RIC3: variants seen among roughly 807,000 people sequenced by gnomAD.
RIC3 encodes RIC3 acetylcholine receptor chaperone.
A neutral mutation model predicts 27.3 loss-of-function variants in RIC3; 28 were observed. The observed-to-expected ratio is 1.02, with a 90% confidence interval of 0.76 to 1.41. The LOEUF is 1.41. RIC3 is among the 40% of genes most tolerant of loss of function. The pLI is 0.00. For missense variants in RIC3, 501 were observed against 444.7 expected (o/e 1.13, Z -1.14); for synonymous variants, 184 against 160.4 (o/e 1.15, Z -1.11).
At chr11:8,133,773 T>C (rs1054868389) in intron 4 of RIC3, among the ~76,000 whole-genome samples, 10 of 152,136 alleles carry the variant, frequency 6.6e-5, no homozygotes, top group Non-Finnish European at 1.5e-4. Flanking sequence ...AGACAGTAGT[T>C]AGAGGTTATA....
intron 4 of RIC3, among the ~76,000 whole-genome samples, chr11:8,136,144 C>T (rs1183783640): frequency 2.6e-5 from 4 of 152,198 alleles, no homozygotes; most frequent in African/African-American, 9.6e-5. Context: ...TTCAACAGCA[C>T]TGCAGACGTT....
intron 1 of RIC3, among the ~76,000 whole-genome samples, chr11:8,150,711 G>C (rs560366108): frequency 6.6e-6 from 1 of 152,316 alleles, no homozygotes; most frequent in East Asian, 1.9e-4. Context: ...AGTCAGAGGA[G>C]GATGAAATTG....
intron 1 of RIC3, among the ~76,000 whole-genome samples, chr11:8,151,916 CA>C (rs541424394): frequency 0.054 from 4,345 of 81,060 alleles, 108 homozygotes; most frequent in African/African-American, 0.13. Context: ...GACTCGGTCT[CA>C]AAAAAAAAAA....
chr11:8,159,078 G>A (rs1447949707), intron 1 of RIC3, among the ~76,000 whole-genome samples: 2 of 151,868 alleles, frequency 1.3e-5, no homozygotes, highest in Non-Finnish European at 2.9e-5. Context: ...ACAAGATAAT[G>A]ATAAATACTA....
Position 8,106,588 on chromosome 11 carries a change from C to A in RIC3, c.*4110G>T, listed in dbSNP as rs1944687626. On this transcript the variant is annotated 3_prime_UTR_variant, in exon 6 of 6. Transcript: ENST00000309737. ...GCCTGGCCTTAGGAAGAGAACAGGG[C>A]TGTAGAGATGAAAAAGGTATAAAAG... The A allele has an allele frequency of 6.6e-6, 1 of 152,238 alleles. No individual in the cohort carries two copies. Among genetic ancestry groups the A allele is most frequent in the South Asian group, 2.1e-4 (1 of 4,826 alleles). 9.4% of individuals were successfully genotyped at this position (152,238 alleles called of 1,614,324 possible).
rs541328632 is a variant in RIC3 at position 8,161,815 on chromosome 11, T to TAC, written c.124+7049_124+7050dup. 7.0e-4 allele frequency among the ~76,000 whole-genome samples: 106 copies of TAC among 152,180 alleles called. 1 individual carries two copies. The South Asian group carries it at 0.011, about 16-fold the overall frequency. On this transcript the variant is annotated intron_variant, in intron 1 of 5. Coordinates refer to ENST00000309737, the MANE Select transcript of RIC3 (RefSeq NM_001206671.4). ...GAGGCCAGGAGTTCCAGGCCAGCTCTACACACACACGTATATAAATGAGAC... is the reference window on the plus strand; with the variant it reads ...GAGGCCAGGAGTTCCAGGCCAGCTCTACACACACACACGTATATAAATGAGAC...
chr11:8,093,938 C>T, the RIC3 span: 5 of 1,339,586 alleles, frequency 3.7e-6, no homozygotes, highest in South Asian at 6.1e-5. Flanking sequence ...CCTGGTGGGA[C>T]TCGGGGTGCA....
intron 1 of RIC3, among the ~76,000 whole-genome samples, chr11:8,161,304 T>A (rs1448658991): frequency 6.6e-6 from 1 of 152,212 alleles, no homozygotes; most frequent in Non-Finnish European, 1.5e-5. Flanking sequence ...CCTTTTGGCA[T>A]AGTGAACTGG....
At chr11:8,141,576 A>G (rs1316982650) in intron 1 of RIC3, among the ~76,000 whole-genome samples, 1 of 150,794 alleles carries the variant, frequency 6.6e-6, no homozygotes, top group East Asian at 2.0e-4. Context: ...CACATTAATA[A>G]TGGGAGACTT....
chr11:8,097,444 T>A, the RIC3 span: 7 of 1,614,060 alleles, frequency 4.3e-6, no homozygotes, highest in African/African-American at 5.3e-5. Flanking sequence ...GGTCTGGGCA[T>A]GTTATCATCT....
chr11:8,144,218 A>G (rs1590272196), intron 1 of RIC3, among the ~76,000 whole-genome samples: 1 of 150,766 alleles, frequency 6.6e-6, no homozygotes, highest in African/African-American at 2.4e-5. Context: ...ACAGCAAAAG[A>G]AACTACCATC....
intron 4 of RIC3, among the ~76,000 whole-genome samples, chr11:8,135,423 T>G (rs1490457053): frequency 6.6e-6 from 1 of 152,228 alleles, no homozygotes; most frequent in Non-Finnish European, 1.5e-5. Flanking sequence ...GCATGATGCC[T>G]CCAGCTTTGT....
At chr11:8,113,381 T>A (rs1945480686) in intron 5 of RIC3, among the ~76,000 whole-genome samples, 1 of 152,170 alleles carries the variant, frequency 6.6e-6, no homozygotes, top group Non-Finnish European at 1.5e-5. Context: ...CTAGTCATAA[T>A]GCCTGCACCC....
At chr11:8,124,825 C>T (rs1330370575) in intron 5 of RIC3, among the ~76,000 whole-genome samples, 1 of 152,146 alleles carries the variant, frequency 6.6e-6, no homozygotes, top group Non-Finnish European at 1.5e-5. Context: ...AAACCTCAGT[C>T]CTGACACCTC....
rs546388844 is a variant in RIC3 at position 8,153,182 on chromosome 11, T to C, written c.125-12989A>G. Among the ~76,000 whole-genome samples, 28 of 152,304 alleles carry C rather than the reference T, an allele frequency of 1.8e-4. No individual in the cohort carries two copies. In the South Asian group the frequency reaches 4.3e-3, roughly 24 times the overall value. On this transcript the variant is annotated intron_variant, in intron 1 of 5. Coordinates refer to ENST00000309737, the MANE Select transcript of RIC3 (RefSeq NM_001206671.4). ...CATATAGACTAGATAGCAAAAAATA[T>C]GTTTTATATCCTAGAAGAAATCTGA... is the stretch of plus-strand genomic sequence containing the variant.
chr11:8,114,769 CGA>C (rs912481164), intron 5 of RIC3, among the ~76,000 whole-genome samples: 17 of 151,236 alleles, frequency 1.1e-4, no homozygotes, highest in African/African-American at 7.3e-5. Flanking sequence ...AAAAAATTTA[CGA>C]GAGATTGAAA....
At chr11:8,118,115 T>TGC (rs1946060766) in intron 5 of RIC3, among the ~76,000 whole-genome samples, 2 of 149,250 alleles carry the variant, frequency 1.3e-5, no homozygotes, top group African/African-American at 2.5e-5. Flanking sequence ...CCCAGCTACT[T>TGC]GGGAGGCTGA....
At chr11:8,133,548 G>C (rs1412774248) in intron 4 of RIC3, among the ~76,000 whole-genome samples, 2 of 152,190 alleles carry the variant, frequency 1.3e-5, no homozygotes, top group South Asian at 2.1e-4. Context: ...CTAAGAGGTA[G>C]GGTGGAAAAA....
intron 1 of RIC3, among the ~76,000 whole-genome samples, chr11:8,159,679 AT>A (rs1263685751): frequency 6.6e-6 from 1 of 152,200 alleles, no homozygotes; most frequent in Non-Finnish European, 1.5e-5. Context: ...ATTTAAAAAA[AT>A]AATTTGACCT....
Sources: allele counts gnomAD v4.1 joint callset (sites outside exome capture counted in the v4.1 genomes callset), GRCh38; gene constraint gnomAD v4.1.1; transcripts MANE v1.5; gene names NCBI Gene and HGNC (gene_info 2026-07-23, HGNC 2026-07-21).